GPC5: variants seen among roughly 807,000 people sequenced by gnomAD.
The protein encoded by GPC5 is glypican-5.
In GPC5, 47 loss-of-function variants were observed where a neutral mutation model predicts 53.9. That is an observed-to-expected ratio of 0.87 (90% CI 0.69 to 1.11). GPC5 has a LOEUF of 1.11. Among genes scored for constraint, GPC5 ranks in the 50% most tolerant of loss-of-function variants. GPC5 has a pLI of 0.00. For missense variants in GPC5, 748 were observed against 713.1 expected, an observed-to-expected ratio of 1.05 and a Z score of -0.56; for synonymous variants, 286 against 263.3, an observed-to-expected ratio of 1.09 and a Z score of -0.84.
At chr13:92,504,775 C>T (rs901601213) in intron 7 of GPC5, among the ~76,000 whole-genome samples, 2 of 151,642 alleles carry the variant, frequency 1.3e-5, no homozygotes, top group Non-Finnish European at 3.0e-5. Flanking sequence ...ACTTGGGCAA[C>T]CACATGCAAA....
chr13:91,991,275 G>A (rs946299525), intron 6 of GPC5, among the ~76,000 whole-genome samples: 2 of 152,158 alleles, frequency 1.3e-5, no homozygotes, highest in Admixed American at 6.5e-5. Flanking sequence ...AGGACTAAAC[G>A]AAGGAATTTC....
In GPC5 at chr13:92,508,242, G is replaced by A. The variant is rs942189048; in HGVS notation, c.1562-358040G>A. Among the ~76,000 whole-genome samples, 5 of 152,260 alleles carry A rather than the reference G, an allele frequency of 3.3e-5. No individual in the cohort carries two copies. The South Asian group carries it at 6.2e-4, about 19-fold the overall frequency. On this transcript the variant is annotated intron_variant, in intron 7 of 7. Coordinates refer to ENST00000377067, the MANE Select transcript of GPC5 (RefSeq NM_004466.6). ...CTCCCAAAGTCCTGGGATACCAGGC[G>A]TGAGCCACTGTGCATGGCCTACTTA...
At chr13:92,485,937 G>A (rs1594242211) in intron 7 of GPC5, among the ~76,000 whole-genome samples, 1 of 152,330 alleles carries the variant, frequency 6.6e-6, no homozygotes, top group East Asian at 1.9e-4. Flanking sequence ...TTGCACTCCA[G>A]CCTGGGCGAC....
chr13:91,592,242 G>C (rs1027673360), intron 2 of GPC5, among the ~76,000 whole-genome samples: 32 of 152,190 alleles, frequency 2.1e-4, no homozygotes, highest in African/African-American at 6.5e-4. Context: ...TGATCCAGTA[G>C]ATGGCACTTT....
chr13:91,947,806 C>A (rs1244585556), intron 6 of GPC5, among the ~76,000 whole-genome samples: 2 of 152,072 alleles, frequency 1.3e-5, no homozygotes, highest in African/African-American at 4.8e-5. Flanking sequence ...TTCCCGTCCC[C>A]CCAACCCCTG....
chr13:92,328,797 G>T (rs188901648), intron 7 of GPC5, among the ~76,000 whole-genome samples: 4 of 152,104 alleles, frequency 2.6e-5, no homozygotes, highest in African/African-American at 9.7e-5. Context: ...TCTGGTCCTT[G>T]TGGTGTTTTC....
intron 5 of GPC5, among the ~76,000 whole-genome samples, chr13:91,861,400 T>C (rs1157509805): frequency 6.6e-6 from 1 of 152,144 alleles, no homozygotes; most frequent in Non-Finnish European, 1.5e-5. Context: ...TATTATTAAG[T>C]CAGTGCCCCC....
Position 91,531,747 on chromosome 13 carries a change from T to G in GPC5, c.325+82825T>G, listed in dbSNP as rs557687207. ...TGAGAAGTGTACTCTAAATAGGAAC[T>G]GGTATGTGTGATAAAGCTTTAAAGG... On this transcript the variant is annotated intron_variant, in intron 2 of 7. Transcript: ENST00000377067. Among the ~76,000 whole-genome samples the G allele has an allele frequency of 2.0e-5, 3 of 152,350 alleles. No homozygotes were observed. In the South Asian group the frequency reaches 6.2e-4, roughly 32 times the overall value.
intron 2 of GPC5, chr13:91,486,158 T>C (rs1214940360): frequency 6.6e-6 from 1 of 152,254 alleles, no homozygotes; most frequent in Non-Finnish European, 1.5e-5. Context: ...CCTATCTTTG[T>C]ATAGTTACCT....
chr13:92,039,339 G>A (rs2040923423), intron 6 of GPC5, among the ~76,000 whole-genome samples: 1 of 152,192 alleles, frequency 6.6e-6, no homozygotes, highest in Non-Finnish European at 1.5e-5. Flanking sequence ...GGAAAATGAT[G>A]GAACAGAGTA....
chr13:91,886,433 C>G (rs1174112766), intron 5 of GPC5, among the ~76,000 whole-genome samples: 1 of 152,152 alleles, frequency 6.6e-6, no homozygotes, highest in African/African-American at 2.4e-5. Context: ...ATGGCACCTC[C>G]TGAATCTCAT....
chr13:92,771,834 C>A (rs1875627496), intron 7 of GPC5, among the ~76,000 whole-genome samples: 2 of 152,120 alleles, frequency 1.3e-5, no homozygotes, highest in Non-Finnish European at 2.9e-5. Flanking sequence ...CAGCCTCTCT[C>A]CTGAAGTTCA....
chr13:92,688,080 A>G lies in GPC5; in HGVS notation c.1562-178202A>G, dbSNP rs887044641. On this transcript the variant is annotated intron_variant, in intron 7 of 7. Coordinates refer to ENST00000377067, the MANE Select transcript of GPC5 (RefSeq NM_004466.6). ...GGTATCAGAATGATGCTGGGCTCAT[A>G]AAATGAGTTAGGGAGGATTCCCTCT... Among the ~76,000 whole-genome samples the G allele has an allele frequency of 4.8e-3, 423 of 88,096 alleles. 56 individuals are homozygous for G. Among genetic ancestry groups the G allele is most frequent in the Non-Finnish European group, 6.4e-3 (327 of 50,906 alleles). 57.8% of individuals were successfully genotyped at this position (88,096 alleles called of 152,430 possible). A position where few individuals can be genotyped will look rare whatever the true frequency, so the allele number is the denominator to read the frequency against.
At position 91,528,478 on chromosome 13, in the gene GPC5, A is replaced by T. The variant is rs191295827; in HGVS notation, c.325+79556A>T. Among the ~76,000 whole-genome samples the T allele has an allele frequency of 9.2e-5, 14 of 152,318 alleles. No homozygotes were observed. The East Asian group carries it at 2.7e-3, about 29-fold the overall frequency. ...CACCTCAGCCTGGACTTCATTGTCC[A>T]TGTCGTTATCAGCATATTGGTCAAA... On this transcript the variant is annotated intron_variant, in intron 2 of 7. Coordinates refer to ENST00000377067, the MANE Select transcript of GPC5 (RefSeq NM_004466.6).
chr13:92,788,073 C>T (rs1362420628), intron 7 of GPC5, among the ~76,000 whole-genome samples: 1 of 151,862 alleles, frequency 6.6e-6, no homozygotes, highest in Non-Finnish European at 1.5e-5. Flanking sequence ...GAAACATAAA[C>T]CTGTACCTGA....
At chr13:92,142,543 T>C (rs1401965358) in intron 6 of GPC5, among the ~76,000 whole-genome samples, 7 of 152,242 alleles carry the variant, frequency 4.6e-5, no homozygotes, top group African/African-American at 1.7e-4. Context: ...TTTTAAGTCC[T>C]CCATTATATT....
intron 7 of GPC5, among the ~76,000 whole-genome samples, chr13:92,311,340 G>A (rs2139210250): frequency 1.3e-5 from 2 of 152,248 alleles, no homozygotes; most frequent in East Asian, 3.9e-4. Context: ...TTCAGAAGGT[G>A]AATTGGGCTC....
intron 7 of GPC5, among the ~76,000 whole-genome samples, chr13:92,539,995 T>C (rs1881881237): frequency 6.6e-6 from 1 of 151,982 alleles, no homozygotes; most frequent in Admixed American, 6.6e-5. Context: ...AAACAAACAT[T>C]TTCTTTAAGA....
chr13:91,818,993 A>T (rs904178288), intron 5 of GPC5, among the ~76,000 whole-genome samples: 2 of 152,118 alleles, frequency 1.3e-5, no homozygotes, highest in Non-Finnish European at 2.9e-5. Flanking sequence ...TAAAGTGAAC[A>T]TCATGTAAAC....
Sources: gnomAD v4.1 joint callset for allele counts (sites outside exome capture counted in the v4.1 genomes callset) on GRCh38, gnomAD v4.1.1 for gene constraint, MANE v1.5 for transcripts, NCBI Gene and HGNC (gene_info 2026-07-23, HGNC 2026-07-21) for gene names.